RFC3: variants seen among roughly 807,000 people sequenced by gnomAD.
The protein encoded by RFC3 is A1 38 kDa subunit.
In RFC3, 41 loss-of-function variants were observed where a neutral mutation model predicts 45.1. The ratio of observed to expected loss-of-function variants is 0.91; its 90% CI spans 0.71 to 1.18. The LOEUF (loss-of-function observed/expected upper bound fraction) is 1.18, where lower values mean the gene tolerates loss of function less well. Ranked by LOEUF, RFC3 falls within the 50% of genes most tolerant of loss-of-function variation. The pLI is 0.00. For synonymous variants in RFC3, 149 were observed against 144.0 expected (o/e 1.03, Z -0.25); for missense variants, 423 against 428.1 (o/e 0.99, Z 0.10).
At chr13:33,889,620 TA>T (rs2082551108) in intron 8 of RFC3, among the ~76,000 whole-genome samples, 1 of 152,222 alleles carries the variant, frequency 6.6e-6, no homozygotes, top group Non-Finnish European at 1.5e-5. Flanking sequence ...TTATTAGCTA[TA>T]ATCACCATAC....
At chr13:33,844,370 G>C (rs575922777) in intron 8 of RFC3, among the ~76,000 whole-genome samples, 1 of 152,138 alleles carries the variant, frequency 6.6e-6, no homozygotes, top group Non-Finnish European at 1.5e-5. Context: ...TCCAATTGTT[G>C]ATTACCTTCC....
intron 8 of RFC3, among the ~76,000 whole-genome samples, chr13:33,956,348 G>A (rs9598384): frequency 2.4e-4 from 36 of 152,298 alleles, no homozygotes; most frequent in African/African-American, 8.2e-4. Flanking sequence ...AATCTGAGAC[G>A]TAATCACAGC....
At chr13:33,877,302 G>A (rs2082454691) in intron 8 of RFC3, among the ~76,000 whole-genome samples, 1 of 152,158 alleles carries the variant, frequency 6.6e-6, no homozygotes, top group African/African-American at 2.4e-5. Flanking sequence ...TCTACTCTTT[G>A]TCAGGCTCTG....
At chr13:33,834,595 C>A (rs2082136287) in intron 7 of RFC3, among the ~76,000 whole-genome samples, 1 of 151,796 alleles carries the variant, frequency 6.6e-6, no homozygotes, top group South Asian at 2.1e-4. Flanking sequence ...TGCCACATTG[C>A]TTTTTTACTG....
intron 8 of RFC3, among the ~76,000 whole-genome samples, chr13:33,862,344 A>G (rs762573720): frequency 6.6e-6 from 1 of 151,140 alleles, no homozygotes; most frequent in Non-Finnish European, 1.5e-5. Flanking sequence ...GTTGTGAAGT[A>G]TAATTGCAAT....
rs1346849796 is a variant in RFC3 at position 33,836,864 on chromosome 13, C to T, written c.*569C>T. The T allele has an allele frequency of 1.3e-5, 13 of 983,446 alleles. No individual in the cohort carries two copies. In the East Asian group the frequency reaches 9.1e-4, roughly 69 times the overall value. 60.9% of individuals were successfully genotyped at this position (983,446 alleles called of 1,614,324 possible). ...TCAGTGGTTCAGATTAGTATTAGGT[C>T]GGTACTAAGAAATAAGCATGTTTTC... is the stretch of plus-strand genomic sequence containing the variant. On this transcript the variant is annotated 3_prime_UTR_variant, in exon 9 of 9. Transcript: ENST00000380071.
chr13:33,917,018 T>TCAA lies in RFC3; in HGVS notation c.880-49069_880-49068insCAA, dbSNP rs1452367415. On this transcript the variant is annotated intron_variant, in intron 8 of 8. Transcript: ENST00000434425. ...GCAGGAGACTTCAGAAATATTACTG[T>TCAA]GCTAAATTTCAAGCTCCTGAAACTT... is the stretch of plus-strand genomic sequence containing the variant. 4.6e-5 allele frequency among the ~76,000 whole-genome samples: 7 copies of TCAA among 152,278 alleles called. No individual in the cohort carries two copies. The South Asian group carries it at 8.3e-4, about 18-fold the overall frequency.
rs1195426174 is a variant in RFC3, at chr13:33,821,117, G to C, written c.88-15G>C. The C allele has an allele frequency of 6.2e-7, 1 of 1,612,840 alleles. No individual in the cohort carries two copies. Among genetic ancestry groups the C allele is most frequent in the Non-Finnish European group, 8.5e-7 (1 of 1,179,234 alleles). ...CAGTTTGACTAGGGAAAAATGCCTTGTTCTTTTTTTTCAGGTGCAGTGTGG... is the reference window on the plus strand; with the variant it reads ...CAGTTTGACTAGGGAAAAATGCCTTCTTCTTTTTTTTCAGGTGCAGTGTGG... On this transcript the variant is annotated splice_polypyrimidine_tract_variant and intron_variant, in intron 1 of 8. Coordinates refer to ENST00000380071, the MANE Select transcript of RFC3 (RefSeq NM_002915.4).
intron 8 of RFC3, among the ~76,000 whole-genome samples, chr13:33,874,203 A>G (rs902092698): frequency 2.0e-5 from 3 of 152,188 alleles, no homozygotes; most frequent in Non-Finnish European, 4.4e-5. Context: ...CTATTCTACC[A>G]CACACTAATC....
At chr13:33,868,010 G>C (rs1195951097) in intron 8 of RFC3, among the ~76,000 whole-genome samples, 1 of 152,202 alleles carries the variant, frequency 6.6e-6, no homozygotes, top group Admixed American at 6.5e-5. Context: ...ACATCACTCA[G>C]AGCTCTTAGA....
chr13:33,830,889 T>C (rs760482010), intron 6 of RFC3, 34 bp downstream of exon 6: 44 of 1,582,466 alleles, frequency 2.8e-5, no homozygotes, highest in Non-Finnish European at 3.8e-5. Flanking sequence ...TCTAGGACTT[T>C]GGCCCCCAAG....
At chr13:33,919,978 G>A (rs1319698655) in intron 8 of RFC3, among the ~76,000 whole-genome samples, 1 of 152,078 alleles carries the variant, frequency 6.6e-6, no homozygotes, top group African/African-American at 2.4e-5. Context: ...ATGTCATACT[G>A]CTCATATGGT....
chr13:33,840,173 T>C (rs554456872), downstream of RFC3, among the ~76,000 whole-genome samples: 142 of 152,286 alleles, frequency 9.3e-4, no homozygotes, highest in South Asian at 1.7e-3. Context: ...TATTAAATTT[T>C]GAAAAACTGA....
rs1328126919 is a variant in RFC3 at position 33,862,353 on chromosome 13, A to G, written c.879+27136A>G. 2.0e-5 allele frequency among the ~76,000 whole-genome samples: 3 copies of G among 151,674 alleles called. No individual in the cohort carries two copies. The South Asian group carries it at 6.3e-4, about 32-fold the overall frequency. ...GAACATGTTGTGAAGTATAATTGCA[A>G]TGAAATATATTTAACAGTTATTTTT... is the stretch of plus-strand genomic sequence containing the variant. On this transcript the variant is annotated intron_variant, in intron 8 of 8. Coordinates refer to the RFC3 transcript ENST00000434425.
At chr13:33,821,054 G>A in intron 1 of RFC3, 78 bp from the exon 2 acceptor site, 2 of 1,413,350 alleles carry the variant, frequency 1.4e-6, no homozygotes, top group Non-Finnish European at 1.9e-6. Flanking sequence ...TAAAATATTT[G>A]TTACTTAAAA....
intron 7 of RFC3, among the ~76,000 whole-genome samples, chr13:33,834,329 T>TATATATATATATATATACAAATAC (rs1300798923): frequency 8.0e-6 from 1 of 125,106 alleles, no homozygotes. Flanking sequence ...TATATATATA[T>TATATATATATATATATACAAATAC]ATCTGTACTG....
At chr13:33,871,109 G>C (rs2082404651) in intron 8 of RFC3, among the ~76,000 whole-genome samples, 1 of 152,190 alleles carries the variant, frequency 6.6e-6, no homozygotes, top group African/African-American at 2.4e-5. Flanking sequence ...AGTAATGTCA[G>C]AGACAAAATT....
intron 8 of RFC3, chr13:33,847,526 GCCATACCAGAAGCAGA>G (rs2082247020): frequency 6.6e-6 from 1 of 151,546 alleles, no homozygotes; most frequent in Non-Finnish European, 1.5e-5. Flanking sequence ...AAGATTGTCA[GCCATACCAGAAGCAGA>G]AATTCCATCT....
chr13:33,974,538 T>G, the RFC3 span, among the ~76,000 whole-genome samples: 3 of 152,266 alleles, frequency 2.0e-5, no homozygotes, highest in Non-Finnish European at 4.4e-5. Context: ...CTTACCTGAC[T>G]GTATTTGCTA....
Sources: gnomAD v4.1 joint callset for allele counts (sites outside exome capture counted in the v4.1 genomes callset) on GRCh38, gnomAD v4.1.1 for gene constraint, MANE v1.5 for transcripts, NCBI Gene and HGNC (gene_info 2026-07-23, HGNC 2026-07-21) for gene names.